The following PRKCB variants were observed in gnomAD, a reference collection of about 807,000 sequenced individuals.
PRKCB encodes the protein protein kinase C beta type.
A neutral mutation model predicts 81.5 loss-of-function variants in PRKCB; 13 were observed. The ratio of observed to expected loss-of-function variants is 0.16; its 90% confidence interval spans 0.10 to 0.25. PRKCB has a LOEUF of 0.25. PRKCB is among the 10% of genes least tolerant of loss of function. The probability of loss-of-function intolerance (pLI) is 1.00; values close to 1 mark genes in which losing one functional copy is unlikely to be tolerated. For synonymous variants in PRKCB, 335 were observed against 321.4 expected, an observed-to-expected ratio of 1.04 and a Z score of -0.45; for missense variants, 509 against 875.7, an observed-to-expected ratio of 0.58 and a Z score of 5.29.
intron 9 of PRKCB, among the ~76,000 whole-genome samples, chr16:24,136,096 GTT>G (rs1555498950): frequency 5.1e-5 from 6 of 118,064 alleles, no homozygotes; most frequent in Admixed American, 1.7e-4. Flanking sequence ...ATTGCAGCGT[GTT>G]TTTTTTTTTT....
At chr16:23,971,262 C>T (rs898766398) in intron 2 of PRKCB, among the ~76,000 whole-genome samples, 1 of 152,206 alleles carries the variant, frequency 6.6e-6, no homozygotes, top group African/African-American at 2.4e-5. Flanking sequence ...GGATGAAGTA[C>T]ATGTTGTAGG....
At chr16:23,860,461 G>A (rs1962647493) in intron 2 of PRKCB, among the ~76,000 whole-genome samples, 1 of 152,190 alleles carries the variant, frequency 6.6e-6, no homozygotes, top group African/African-American at 2.4e-5. Context: ...GTCAGGGATA[G>A]AGGTAAATGT....
intron 7 of PRKCB, among the ~76,000 whole-genome samples, chr16:24,096,691 A>C (rs1596545817): frequency 1.0e-5 from 1 of 99,962 alleles, no homozygotes. Context: ...ATATATATAT[A>C]TATATATATA....
In PRKCB at chr16:23,939,361, C is replaced by T. The variant is rs1375504238; in HGVS notation, c.206-49147C>T. ...TCTTATAAAAATCCCAACAAAATTA[C>T]TTTGTAGATATAAATAAGATTATTC... On this transcript the variant is annotated intron_variant, in intron 2 of 16. Coordinates refer to ENST00000643927, the MANE Select transcript of PRKCB (RefSeq NM_002738.7). Among the ~76,000 whole-genome samples, 4 of 152,114 alleles carry T rather than the reference C, an allele frequency of 2.6e-5. No individual in the cohort carries two copies. The East Asian group carries it at 7.7e-4, about 29-fold the overall frequency.
intron 5 of PRKCB, among the ~76,000 whole-genome samples, chr16:24,063,007 C>T (rs924326656): frequency 5.9e-5 from 9 of 151,866 alleles, no homozygotes; most frequent in Non-Finnish European, 1.0e-4. Flanking sequence ...TGAGAAGATG[C>T]GGCATTTCTG....
At chr16:23,944,486 G>C (rs1028785549) in intron 2 of PRKCB, among the ~76,000 whole-genome samples, 1 of 152,092 alleles carries the variant, frequency 6.6e-6, no homozygotes, top group Non-Finnish European at 1.5e-5. Flanking sequence ...CAAATGTTAG[G>C]GCATTTTAGC....
chr16:23,933,802 CCAT>C (rs1402711715), intron 2 of PRKCB, among the ~76,000 whole-genome samples: 1 of 146,940 alleles, frequency 6.8e-6, no homozygotes, highest in African/African-American at 2.5e-5. Flanking sequence ...ATCCATCCAT[CCAT>C]CCACCCATCC....
At chr16:23,893,582 A>G (rs1376758043) in intron 2 of PRKCB, 1 of 152,216 alleles carries the variant, frequency 6.6e-6, no homozygotes, top group African/African-American at 2.4e-5. Flanking sequence ...GAAAAAAACC[A>G]TCCGGCGTTG....
chr16:24,091,505 C>G (rs982365860), intron 5 of PRKCB, among the ~76,000 whole-genome samples: 1 of 152,182 alleles, frequency 6.6e-6, no homozygotes. Context: ...TGAATTGATT[C>G]CTAATTAACT....
chr16:23,856,500 C>T (rs528629893), intron 2 of PRKCB, among the ~76,000 whole-genome samples: 2 of 149,270 alleles, frequency 1.3e-5, no homozygotes, highest in South Asian at 4.3e-4. Flanking sequence ...GCATCACTCT[C>T]AGGAAGGGTA....
At chr16:24,158,602 G>A in intron 10 of PRKCB, among the ~76,000 whole-genome samples, 1 of 151,644 alleles carries the variant, frequency 6.6e-6, no homozygotes, top group Non-Finnish European at 1.5e-5. Context: ...ATATGTGTGT[G>A]TATGTGTGTG....
chr16:24,118,712 G>A (rs536947593), intron 8 of PRKCB, among the ~76,000 whole-genome samples: 12 of 152,218 alleles, frequency 7.9e-5, no homozygotes, highest in East Asian at 7.7e-4. Flanking sequence ...GCTCTAAATC[G>A]CAGACATGAA....
chr16:24,139,221 C>T (rs151034826), intron 9 of PRKCB, among the ~76,000 whole-genome samples: 210 of 152,182 alleles, frequency 1.4e-3, no homozygotes, highest in African/African-American at 4.7e-3. Flanking sequence ...AGTTCATGAA[C>T]ATTTATTTCA....
intron 2 of PRKCB, among the ~76,000 whole-genome samples, chr16:23,945,413 C>T (rs748560574): frequency 6.6e-5 from 10 of 152,156 alleles, no homozygotes; most frequent in Non-Finnish European, 1.0e-4. Context: ...TTGTCACAGC[C>T]GTGAAAATAC....
chr16:24,132,770 G>GCT (rs796824714), intron 9 of PRKCB, among the ~76,000 whole-genome samples: 8 of 116,866 alleles, frequency 6.8e-5, no homozygotes, highest in African/African-American at 3.0e-4. Context: ...ATGATTTGGG[G>GCT]CTTTTTTTTT....
intron 2 of PRKCB, among the ~76,000 whole-genome samples, chr16:23,884,606 C>G (rs1338912335): frequency 6.6e-6 from 1 of 152,310 alleles, no homozygotes; most frequent in African/African-American, 2.4e-5. Flanking sequence ...GTGACCGTAG[C>G]TCACTGCAGC....
chr16:23,956,361 A>G (rs1238435428), intron 2 of PRKCB, among the ~76,000 whole-genome samples: 4 of 151,946 alleles, frequency 2.6e-5, no homozygotes, highest in South Asian at 4.2e-4. Context: ...CCTTATTAAT[A>G]CCTTATTTAG....
At chr16:23,968,493 A>T (rs555693542) in intron 2 of PRKCB, among the ~76,000 whole-genome samples, 1 of 152,114 alleles carries the variant, frequency 6.6e-6, no homozygotes, top group African/African-American at 2.4e-5. Flanking sequence ...TCCTGGAGGG[A>T]TGAACCGCTT....
intron 2 of PRKCB, chr16:23,869,156 A>G (rs7404819): frequency 0.41 from 187,466 of 452,866 alleles, 40,598 homozygotes; most frequent in South Asian, 0.58. Flanking sequence ...GCATTGGCCA[A>G]TGGAACGTGA....
Sources: gnomAD v4.1 joint callset for allele counts (sites outside exome capture counted in the v4.1 genomes callset) on GRCh38, gnomAD v4.1.1 for gene constraint, MANE v1.5 for transcripts, NCBI Gene and HGNC (gene_info 2026-07-23, HGNC 2026-07-21) for gene names.